Variants in PDGFD observed in about 807,000 individuals in gnomAD.
PDGFD encodes platelet derived growth factor D.
In PDGFD, 30 loss-of-function variants were observed where a neutral mutation model predicts 44.7. The observed-to-expected ratio is 0.67, with a 90% confidence interval of 0.50 to 0.91. PDGFD has a LOEUF of 0.91. Ranked by LOEUF, PDGFD falls within the 40% of genes least tolerant of loss-of-function variation. The pLI is 0.00. For missense variants in PDGFD, 445 were observed against 457.8 expected (o/e 0.97, Z 0.25); for synonymous variants, 173 against 168.4 (o/e 1.03, Z -0.21).
chr11:104,005,254 T>C (rs1321522201), intron 1 of PDGFD, among the ~76,000 whole-genome samples: 2 of 152,272 alleles, frequency 1.3e-5, no homozygotes, highest in African/African-American at 4.8e-5. Flanking sequence ...ACAGAGCTAG[T>C]GAAAGGTAGA....
rs1309706510 is a variant in PDGFD at position 104,002,421 on chromosome 11, C to T, written c.125-2166G>A. Among the ~76,000 whole-genome samples the T allele has an allele frequency of 7.9e-5, 12 of 152,256 alleles. 1 individual carries two copies. In the East Asian group the frequency reaches 2.1e-3, roughly 27 times the overall value. On this transcript the variant is annotated intron_variant, in intron 1 of 6. Coordinates refer to ENST00000393158, the MANE Select transcript of PDGFD (RefSeq NM_025208.5). ...GATGGCTTAAAAGTGTGGCGGTCCC[C>T]TGCAACCCCTGCCTCCTGCTGCCAT...
At chr11:104,022,584 C>T (rs954048639) in intron 1 of PDGFD, among the ~76,000 whole-genome samples, 2 of 152,034 alleles carry the variant, frequency 1.3e-5, no homozygotes, top group African/African-American at 4.8e-5. Context: ...AAAAAACTGA[C>T]CTTACAATTT....
intron 1 of PDGFD, among the ~76,000 whole-genome samples, chr11:104,112,712 T>C (rs1861577233): frequency 6.6e-6 from 1 of 152,134 alleles, no homozygotes; most frequent in Admixed American, 6.6e-5. Flanking sequence ...TGAGATCATG[T>C]CCTTTGCAGG....
intron 6 of PDGFD, among the ~76,000 whole-genome samples, chr11:103,925,679 GTATATATATATATA>G (rs367755559): frequency 7.5e-5 from 9 of 119,804 alleles, no homozygotes; most frequent in East Asian, 2.4e-4. Context: ...GTGTGTCTGT[GTATATATATATATA>G]TATATACACA....
chr11:104,017,349 T>G (rs982120756), intron 1 of PDGFD, among the ~76,000 whole-genome samples: 5 of 123,590 alleles, frequency 4.0e-5, no homozygotes, highest in East Asian at 4.1e-4. Flanking sequence ...TGTTTTTCCG[T>G]TTTTTTTGTT....
chr11:104,111,748 G>A (rs1343674880), intron 1 of PDGFD, among the ~76,000 whole-genome samples: 1 of 152,106 alleles, frequency 6.6e-6, no homozygotes, highest in Non-Finnish European at 1.5e-5. Flanking sequence ...TCCATTTTAG[G>A]AGTCTAAGTA....
rs192062196 is a variant in PDGFD at position 103,947,674 on chromosome 11, T to C, written c.561A>G (p.Thr187=). ...AASETNWESV[T]SSISGVSYNS... is the part of the protein sequence containing the mutation. ...ATAAATTACTTACTGAAATAGAGCT[T>C]GTGACAGATTCCCAGTTGGTCTCTG... The change falls in exon 4 of 7, where the codon ACA becomes ACG. Residue 187 remains threonine (T), a synonymous_variant. Coordinates refer to ENST00000393158, the MANE Select transcript of PDGFD (RefSeq NM_025208.5). 1.2e-6 allele frequency: 2 copies of C among 1,613,332 alleles called. No homozygotes were observed. Among genetic ancestry groups the C allele is most frequent in the African/African-American group, 1.3e-5 (1 of 75,010 alleles).
chr11:103,981,661 T>C (rs974177744), intron 3 of PDGFD, among the ~76,000 whole-genome samples: 1 of 151,828 alleles, frequency 6.6e-6, no homozygotes, highest in Non-Finnish European at 1.5e-5. Flanking sequence ...TCATATATCC[T>C]GTACTCTTTA....
intron 3 of PDGFD, among the ~76,000 whole-genome samples, chr11:103,955,027 A>G (rs1015704890): frequency 6.7e-6 from 1 of 149,494 alleles, no homozygotes; most frequent in African/African-American, 2.4e-5. Context: ...AGCCGGGCGT[A>G]GTGGCGGGCG....
intron 1 of PDGFD, chr11:104,038,046 A>G: frequency 6.4e-7 from 1 of 1,570,652 alleles, no homozygotes; most frequent in Non-Finnish European, 8.7e-7. Context: ...ACCTTGAGGG[A>G]GCCTCAGGTC....
In PDGFD at chr11:104,037,557, C is replaced by T. The variant is rs1013354964; in HGVS notation, c.125-37302G>A. 17 of 1,614,010 alleles carry T rather than the reference C, an allele frequency of 1.1e-5. 1 individual carries two copies. The East Asian group carries it at 3.6e-4, about 34-fold the overall frequency. The stretch of plus-strand genomic sequence containing the variant: ...GTTTTGGACAAGTGACGATGCTCTA[C>T]ATTAACTGCAAAGTGAATGGGCATC... On this transcript the variant is annotated intron_variant, in intron 1 of 6. Transcript: ENST00000393158.
intron 1 of PDGFD, among the ~76,000 whole-genome samples, chr11:104,009,193 A>G (rs935640385): frequency 4.6e-5 from 7 of 152,104 alleles, no homozygotes; most frequent in Non-Finnish European, 8.8e-5. Context: ...CAGTAGCACC[A>G]GAGCCAGGCC....
At chr11:104,095,995 A>T (rs1367437863) in intron 1 of PDGFD, among the ~76,000 whole-genome samples, 1 of 152,214 alleles carries the variant, frequency 6.6e-6, no homozygotes, top group Non-Finnish European at 1.5e-5. Flanking sequence ...GTGGCAAGAA[A>T]GAATTAATAC....
chr11:103,958,090 G>A (rs1407030676), intron 3 of PDGFD, among the ~76,000 whole-genome samples: 4 of 151,190 alleles, frequency 2.6e-5, no homozygotes, highest in Non-Finnish European at 4.4e-5. Context: ...TTGCAGTAAC[G>A]CCTGCCACTT....
At chr11:104,081,286 T>C (rs778225855) in intron 1 of PDGFD, among the ~76,000 whole-genome samples, 4 of 152,160 alleles carry the variant, frequency 2.6e-5, no homozygotes, top group Admixed American at 1.3e-4. Context: ...AGGCAATACC[T>C]GAAAAGATTT....
chr11:103,976,966 GA>G (rs1423207068), intron 3 of PDGFD, among the ~76,000 whole-genome samples: 1 of 152,028 alleles, frequency 6.6e-6, no homozygotes, highest in Non-Finnish European at 1.5e-5. Flanking sequence ...AAGAAGAAAA[GA>G]GAGAAGAATC....
At position 104,161,632 on chromosome 11, in the gene PDGFD, A is replaced by G. The variant is rs150290923; in HGVS notation, c.124+2172T>C. The stretch of plus-strand genomic sequence containing the variant: ...CTCCTTGTGAATGGTAATACCACAG[A>G]AATGTATATCTATTTATATCTGCTA... On this transcript the variant is annotated intron_variant, in intron 1 of 6. Coordinates refer to ENST00000393158, the MANE Select transcript of PDGFD (RefSeq NM_025208.5). Among the ~76,000 whole-genome samples, 71 of 152,338 alleles carry G rather than the reference A, an allele frequency of 4.7e-4. 2 individuals are homozygous for G. The East Asian group carries it at 0.014, about 29-fold the overall frequency.
At chr11:104,104,922 C>G (rs573655100) in intron 1 of PDGFD, among the ~76,000 whole-genome samples, 1 of 152,082 alleles carries the variant, frequency 6.6e-6, no homozygotes, top group Admixed American at 6.6e-5. Context: ...TCTATGGGAA[C>G]GCTACATAGG....
intron 1 of PDGFD, among the ~76,000 whole-genome samples, chr11:104,032,336 G>A (rs1156780027): frequency 2.6e-5 from 4 of 152,150 alleles, no homozygotes; most frequent in Middle Eastern, 6.8e-3. Flanking sequence ...TAACCTAAGG[G>A]TACAGCTTTT....
Sources: gnomAD v4.1 joint callset for allele counts (sites outside exome capture counted in the v4.1 genomes callset) on GRCh38, gnomAD v4.1.1 for gene constraint, MANE v1.5 for transcripts, NCBI Gene and HGNC (gene_info 2026-07-23, HGNC 2026-07-21) for gene names.